The following GALNT18 variants were observed in gnomAD, a reference collection of about 807,000 sequenced individuals.
GALNT18 encodes GalNAc-transferase 18.
Under a neutral mutation model 69.5 loss-of-function variants are expected in GALNT18, and 44 were observed. The observed-to-expected ratio is 0.63, with a 90% CI of 0.50 to 0.81. The LOEUF (loss-of-function observed/expected upper bound fraction) is 0.81, where lower values mean the gene tolerates loss of function less well. Ranked by LOEUF, GALNT18 falls within the 40% of genes least tolerant of loss-of-function variation. The pLI is 0.00. For missense variants in GALNT18, 715 were observed against 810.0 expected (o/e 0.88, Z 1.42); for synonymous variants, 364 against 318.2 (o/e 1.14, Z -1.53).
intron 1 of GALNT18, among the ~76,000 whole-genome samples, chr11:11,576,594 T>A (rs1858930220): frequency 6.6e-6 from 1 of 152,322 alleles, no homozygotes; most frequent in Non-Finnish European, 1.5e-5. Flanking sequence ...GATTATCCCG[T>A]TCCACAGATT....
chr11:11,452,091 G>T (rs914688901), intron 1 of GALNT18, among the ~76,000 whole-genome samples: 5 of 152,136 alleles, frequency 3.3e-5, no homozygotes, highest in African/African-American at 1.2e-4. Context: ...AAAAAAAAGT[G>T]TGCCACCCCC....
chr11:11,325,870 A>C (rs1849908404), intron 9 of GALNT18, among the ~76,000 whole-genome samples: 1 of 152,092 alleles, frequency 6.6e-6, no homozygotes, highest in South Asian at 2.1e-4. Context: ...CCCAAAAAGG[A>C]CAAGATGGTA....
intron 6 of GALNT18, among the ~76,000 whole-genome samples, chr11:11,367,886 G>A (rs1261644224): frequency 6.6e-6 from 1 of 152,112 alleles, no homozygotes; most frequent in East Asian, 1.9e-4. Context: ...ATACAATGGA[G>A]GCCTTTTTTT....
chr11:11,549,378 T>C (rs1186569765), intron 1 of GALNT18, among the ~76,000 whole-genome samples: 1 of 152,242 alleles, frequency 6.6e-6, no homozygotes, highest in Non-Finnish European at 1.5e-5. Context: ...TTCTAACTGA[T>C]ACGGCAGATG....
intron 3 of GALNT18, among the ~76,000 whole-genome samples, chr11:11,418,945 A>G (rs981464986): frequency 2.0e-5 from 3 of 152,194 alleles, no homozygotes; most frequent in African/African-American, 7.2e-5. Context: ...CCCTTAAGGG[A>G]AGCCCATTAG....
chr11:11,552,388 G>A (rs765436679), intron 1 of GALNT18, among the ~76,000 whole-genome samples: 15 of 152,214 alleles, frequency 9.9e-5, no homozygotes, highest in African/African-American at 2.7e-4. Flanking sequence ...TTATCTTTGA[G>A]CCTTTACCTT....
chr11:11,302,037 C>G (rs1252770740), intron 9 of GALNT18, among the ~76,000 whole-genome samples: 1 of 152,190 alleles, frequency 6.6e-6, no homozygotes, highest in Non-Finnish European at 1.5e-5. Context: ...CAAGGGACTT[C>G]TAGCAGAGGA....
intron 1 of GALNT18, among the ~76,000 whole-genome samples, chr11:11,464,955 C>G (rs10500744): frequency 0.11 from 17,244 of 152,242 alleles, 1,277 homozygotes; most frequent in East Asian, 0.28. Flanking sequence ...ATTATTGTTA[C>G]TGGTCAGGTG....
intron 1 of GALNT18, among the ~76,000 whole-genome samples, chr11:11,594,766 C>G (rs1339622163): frequency 6.9e-6 from 1 of 145,826 alleles, no homozygotes; most frequent in African/African-American, 2.5e-5. Flanking sequence ...ATTGCTATAA[C>G]CATTTGTGTA....
chr11:11,432,865 C>A lies in GALNT18; in HGVS notation c.429-78G>T. 2 of 1,478,554 alleles carry A rather than the reference C, an allele frequency of 1.4e-6. No individual in the cohort carries two copies. The highest frequency in any genetic ancestry group is 1.8e-6 in the Non-Finnish European group (2 of 1,085,606). 91.6% of individuals were successfully genotyped at this position (1,478,554 alleles called of 1,614,324 possible). A position where few individuals can be genotyped will look rare whatever the true frequency, so the allele number is the denominator to read the frequency against. Reference sequence around the variant, plus strand: ...GGAGCTGACCCAGCCCATGTCCTGGCTCCAGCTTTGCTGGAGGGCTCGGGA... The same window carrying A: ...GGAGCTGACCCAGCCCATGTCCTGGATCCAGCTTTGCTGGAGGGCTCGGGA... On this transcript the variant is annotated intron_variant, in intron 2 of 10. Coordinates refer to ENST00000227756, the MANE Select transcript of GALNT18 (RefSeq NM_198516.3). The surrounding 1 kb of genome is among the most constrained non-coding windows in gnomAD (Gnocchi z 5.8).
In GALNT18 at chr11:11,552,166, T is replaced by C. The variant is rs1210336416; in HGVS notation, c.235+69193A>G. Among the ~76,000 whole-genome samples the C allele has an allele frequency of 4.9e-5, 7 of 143,874 alleles. 1 individual carries two copies. The highest frequency in any genetic ancestry group is 7.9e-5 in the Non-Finnish European group (5 of 63,242). 94.4% of individuals were successfully genotyped at this position (143,874 alleles called of 152,430 possible). A position where few individuals can be genotyped will look rare whatever the true frequency, so the allele number is the denominator to read the frequency against. ...AAGAAGGAAAAGGAGAAAGCAGCCA[T>C]AGGCCCTCTGGAAATGCAGGTCTTC... On this transcript the variant is annotated intron_variant, in intron 1 of 10. Transcript: ENST00000227756.
Position 11,404,804 on chromosome 11 carries a change from C to T in GALNT18, c.596-25540G>A, listed in dbSNP as rs184136134. Among the ~76,000 whole-genome samples the T allele has an allele frequency of 8.8e-4, 134 of 152,286 alleles. 2 individuals carry two copies. The Middle Eastern group carries it at 0.017, about 19-fold the overall frequency. ...GACCATACCCTGGCGACTCCATCAG[C>T]TATGATTTCACCACCACCTGGCCTC... On this transcript the variant is annotated intron_variant, in intron 3 of 10. Transcript: ENST00000227756. This position sits in a 1 kb window ranked among gnomAD's most constrained non-coding sequence, Gnocchi z 4.5.
intron 1 of GALNT18, among the ~76,000 whole-genome samples, chr11:11,554,988 T>C (rs1323400341): frequency 6.6e-6 from 1 of 152,242 alleles, no homozygotes. Flanking sequence ...TCTCTGAACC[T>C]ACTCTTGCAG....
chr11:11,360,777 C>G (rs1034506156), intron 6 of GALNT18, among the ~76,000 whole-genome samples: 6 of 151,814 alleles, frequency 4.0e-5, no homozygotes, highest in Non-Finnish European at 8.8e-5. Flanking sequence ...TTTTGCTATG[C>G]TCATTTTTAT....
chr11:11,502,648 C>T (rs900165738), intron 1 of GALNT18, among the ~76,000 whole-genome samples: 1 of 152,188 alleles, frequency 6.6e-6, no homozygotes, highest in African/African-American at 2.4e-5. Context: ...TGATTGAGGC[C>T]TCTTCCTCTG....
At chr11:11,353,233 T>C (rs1289838275) in intron 6 of GALNT18, 9 of 1,339,172 alleles carry the variant, frequency 6.7e-6, no homozygotes, top group African/African-American at 1.4e-5. Flanking sequence ...CTTCACACTG[T>C]GGTGGAAGCG....
At chr11:11,556,088 G>A (rs1411757222) in intron 1 of GALNT18, among the ~76,000 whole-genome samples, 1 of 152,216 alleles carries the variant, frequency 6.6e-6, no homozygotes, top group Non-Finnish European at 1.5e-5. Context: ...CAGGTTTCAT[G>A]GAGGAAACTA....
Position 11,271,016 on chromosome 11 carries a change from A to G in GALNT18, c.*128T>C, listed in dbSNP as rs1005640146. On this transcript the variant is annotated 3_prime_UTR_variant, in exon 11 of 11. Coordinates refer to ENST00000227756, the MANE Select transcript of GALNT18 (RefSeq NM_198516.3). ...ACTCCATGAAAATTGAATAGGAAAT[A>G]AAAAGCTCTTCTTGGGGGCCCACTA... 1.4e-6 allele frequency: 1 copy of G among 699,362 alleles called. No individual in the cohort carries two copies. Among genetic ancestry groups the G allele is most frequent in the Non-Finnish European group, 2.3e-6 (1 of 441,522 alleles). 43.3% of individuals were successfully genotyped at this position (699,362 alleles called of 1,614,324 possible). A position where few individuals can be genotyped will look rare whatever the true frequency, so the allele number is the denominator to read the frequency against.
intron 1 of GALNT18, among the ~76,000 whole-genome samples, chr11:11,458,401 T>C (rs892168784): frequency 2.6e-5 from 4 of 152,256 alleles, no homozygotes; most frequent in African/African-American, 9.6e-5. Flanking sequence ...CAATGATTTT[T>C]TTAAAAAAAC....
Sources: allele counts gnomAD v4.1 joint callset (sites outside exome capture counted in the v4.1 genomes callset), GRCh38; gene constraint gnomAD v4.1.1; non-coding constraint Gnocchi (gnomAD v3.1); transcripts MANE v1.5; gene names NCBI Gene and HGNC (gene_info 2026-07-23, HGNC 2026-07-21).